Variants in CDH12 observed in about 807,000 individuals in gnomAD.
The protein encoded by CDH12 is cadherin-12.
In CDH12, 41 loss-of-function variants were observed where a neutral mutation model predicts 74.1. The ratio of observed to expected loss-of-function variants is 0.55; its 90% CI spans 0.43 to 0.72. The LOEUF is 0.72. CDH12 is among the 30% of genes least tolerant of loss of function. CDH12 has a pLI of 0.00. For synonymous variants in CDH12, 399 were observed against 355.0 expected, an observed-to-expected ratio of 1.12 and a Z score of -1.39; for missense variants, 945 against 977.2, an observed-to-expected ratio of 0.97 and a Z score of 0.44.
In CDH12 at chr5:21,975,126, G is replaced by A. The variant is rs1757006223; in HGVS notation, c.491C>T (p.Pro164Leu). The A allele has an allele frequency of 6.3e-7, 1 of 1,597,142 alleles. No homozygotes were observed. The highest frequency in any genetic ancestry group is 1.1e-5 in the South Asian group (1 of 90,970). The change falls in exon 6 of 15, where the codon CCT (proline) becomes CTT (leucine). Residue 164 changes from proline to leucine, a missense_variant. Physicochemically the swap from Pro to Leu is moderately conservative, Grantham distance 98. Coordinates refer to ENST00000382254, the MANE Select transcript of CDH12 (RefSeq NM_004061.5). ...CATTTCTGGAACAGTAGCAACATAA[G>A]GTCCATCCAAAAACTTTGGCTCATT... ...NDNEPKFLDG[P>L]YVATVPEMSP...
intron 14 of CDH12, among the ~76,000 whole-genome samples, chr5:21,754,242 G>A (rs960356425): frequency 6.6e-6 from 1 of 152,016 alleles, no homozygotes; most frequent in Admixed American, 6.6e-5. Flanking sequence ...GTCTTCCCTA[G>A]CTCTATTTGT....
At chr5:22,337,134 G>T (rs1282234510) in intron 3 of CDH12, among the ~76,000 whole-genome samples, 2 of 152,174 alleles carry the variant, frequency 1.3e-5, no homozygotes, top group Admixed American at 1.3e-4. Context: ...TAGCCCCTTT[G>T]TTTTGGCCAA....
In CDH12 at chr5:22,231,620, T is replaced by C. The variant is rs1273782342; in HGVS notation, c.-332-18977A>G. Among the ~76,000 whole-genome samples the C allele has an allele frequency of 6.6e-5, 10 of 151,992 alleles. 1 individual carries two copies. Among genetic ancestry groups the C allele is most frequent in the Non-Finnish European group, 1.2e-4 (8 of 67,914 alleles). On this transcript the variant is annotated intron_variant, in intron 3 of 14. Coordinates refer to ENST00000382254, the MANE Select transcript of CDH12 (RefSeq NM_004061.5). ...TTGAAAACTATTAAACTATGAGGCA[T>C]ATTTATCTCTTCCTCCCTGTAGAGG...
intron 3 of CDH12, among the ~76,000 whole-genome samples, chr5:22,296,147 T>C (rs1737615449): frequency 6.6e-6 from 1 of 151,874 alleles, no homozygotes; most frequent in African/African-American, 2.4e-5. Flanking sequence ...AAAAATGTAT[T>C]AGAAAAATTA....
intron 1 of CDH12, among the ~76,000 whole-genome samples, chr5:22,667,856 T>A (rs1366831634): frequency 1.3e-5 from 2 of 152,242 alleles, no homozygotes; most frequent in Non-Finnish European, 2.9e-5. Context: ...TCATTTGCTT[T>A]GGCTTTTATT....
At chr5:22,352,642 T>C (rs1203453099) in intron 3 of CDH12, among the ~76,000 whole-genome samples, 2 of 152,168 alleles carry the variant, frequency 1.3e-5, no homozygotes, top group African/African-American at 2.4e-5. Flanking sequence ...CTGGATACCA[T>C]TAATGGTTAT....
intron 5 of CDH12, among the ~76,000 whole-genome samples, chr5:22,027,665 C>T (rs1738465599): frequency 6.6e-6 from 1 of 152,038 alleles, no homozygotes; most frequent in Admixed American, 6.6e-5. Context: ...GTGATATCCC[C>T]TTTATCATTT....
chr5:22,423,206 TAA>T (rs58915238), intron 2 of CDH12, among the ~76,000 whole-genome samples: 7,299 of 121,374 alleles, frequency 0.06, 610 homozygotes, highest in African/African-American at 0.21. Flanking sequence ...GTAAACACAG[TAA>T]AAAAAAAAAA....
chr5:22,284,688 C>A (rs1249378260), intron 3 of CDH12, among the ~76,000 whole-genome samples: 1 of 152,158 alleles, frequency 6.6e-6, no homozygotes, highest in African/African-American at 2.4e-5. Context: ...AACAAGTCTA[C>A]ACCATCCCAT....
chr5:22,451,094 T>C (rs937994599), intron 2 of CDH12, among the ~76,000 whole-genome samples: 1 of 151,828 alleles, frequency 6.6e-6, no homozygotes, highest in Non-Finnish European at 1.5e-5. Context: ...TTCTATGCAT[T>C]GCACTTACTA....
chr5:22,293,595 A>G (rs776458076), intron 3 of CDH12, among the ~76,000 whole-genome samples: 7 of 152,080 alleles, frequency 4.6e-5, no homozygotes, highest in Non-Finnish European at 8.8e-5. Context: ...TGAATGAATA[A>G]AGAAAATGTG....
intron 1 of CDH12, among the ~76,000 whole-genome samples, chr5:22,762,260 C>A (rs1024695119): frequency 6.6e-6 from 1 of 151,822 alleles, no homozygotes; most frequent in African/African-American, 2.4e-5. Flanking sequence ...ATGCATGAGT[C>A]CCATGGAGAA....
intron 4 of CDH12, among the ~76,000 whole-genome samples, chr5:22,096,230 T>C (rs1433490728): frequency 6.6e-6 from 1 of 152,104 alleles, no homozygotes; most frequent in Non-Finnish European, 1.5e-5. Flanking sequence ...TCGACAGTAG[T>C]TCCAAATAGC....
At chr5:22,110,442 G>T (rs1363126613) in intron 4 of CDH12, among the ~76,000 whole-genome samples, 1 of 150,210 alleles carries the variant, frequency 6.7e-6, no homozygotes, top group African/African-American at 2.4e-5. Context: ...AGGCTTGGAT[G>T]TTAGAAGTTT....
intron 6 of CDH12, among the ~76,000 whole-genome samples, chr5:21,917,618 A>C (rs1754160405): frequency 6.6e-6 from 1 of 152,190 alleles, no homozygotes; most frequent in Admixed American, 6.5e-5. Context: ...GATGAAACTA[A>C]CAAGTGTTCT....
At chr5:22,429,491 T>C (rs147031457) in intron 2 of CDH12, among the ~76,000 whole-genome samples, 1 of 152,220 alleles carries the variant, frequency 6.6e-6, no homozygotes, top group Non-Finnish European at 1.5e-5. Flanking sequence ...GGGAAAAATT[T>C]CTTTTAAAAA....
In CDH12 at chr5:21,833,306, TGTTATATGTTA is replaced by T. The variant is rs1356232104; in HGVS notation, c.814+8844_814+8854del. On this transcript the variant is annotated intron_variant, in intron 8 of 14. Transcript: ENST00000382254. ...TATATAACATATAATATATATTATA[TGTTATATGTTA>T]TATAATATATATTATATATTATATA... is the stretch of plus-strand genomic sequence containing the variant. 8.4e-3 allele frequency among the ~76,000 whole-genome samples: 276 copies of T among 32,734 alleles called. 49 individuals are homozygous for T. Among genetic ancestry groups the T allele is most frequent in the African/African-American group, 0.055 (75 of 1,372 alleles). The allele number at this position is 32,734 out of a possible 152,430, so 21.5% of individuals were successfully genotyped here.
At chr5:21,952,182 A>T (rs538656676) in intron 6 of CDH12, among the ~76,000 whole-genome samples, 1 of 152,254 alleles carries the variant, frequency 6.6e-6, no homozygotes, top group Non-Finnish European at 1.5e-5. Context: ...GTCTGTTCTT[A>T]TTGTTCAAAG....
intron 1 of CDH12, among the ~76,000 whole-genome samples, chr5:22,566,765 A>C (rs754865891): frequency 7.9e-5 from 12 of 152,150 alleles, no homozygotes; most frequent in Non-Finnish European, 1.5e-4. Flanking sequence ...GTTTAGACCC[A>C]AAACTAGGAA....
Sources: gnomAD v4.1 joint callset for allele counts (sites outside exome capture counted in the v4.1 genomes callset) on GRCh38, gnomAD v4.1.1 for gene constraint, MANE v1.5 for transcripts, NCBI Gene and HGNC (gene_info 2026-07-23, HGNC 2026-07-21) for gene names.